TOPORS: variants seen among roughly 807,000 people sequenced by gnomAD.
TOPORS encodes the protein E3 ubiquitin-protein ligase Topors.
Under a neutral mutation model 81.4 loss-of-function variants are expected in TOPORS, and 25 were observed. The ratio of observed to expected loss-of-function variants is 0.31; its 90% CI spans 0.22 to 0.43. The LOEUF is 0.43. Among genes scored for constraint, TOPORS ranks in the 20% least tolerant of loss-of-function variants. The pLI, the probability that TOPORS is intolerant of heterozygous loss-of-function variation, is 1.00. For missense variants in TOPORS, 1,101 were observed against 1,267.0 expected (o/e 0.87, Z 1.99); for synonymous variants, 473 against 456.6 (o/e 1.04, Z -0.46).
At chr9:32,549,821 A>G (rs1821200579) in intron 2 of TOPORS, among the ~76,000 whole-genome samples, 1 of 152,244 alleles carries the variant, frequency 6.6e-6, no homozygotes, top group African/African-American at 2.4e-5. Flanking sequence ...GCCACCTTAA[A>G]GAAATCACTG....
In TOPORS at chr9:32,544,245, G is replaced by A; in HGVS notation, c.280C>T (p.Pro94Ser). Residue 94 changes from proline to serine, a missense_variant, in exon 3 of 3, where the codon CCA (proline) becomes TCA (serine). Pro to Ser is a moderately conservative substitution (Grantham distance 74). Coordinates refer to ENST00000360538, the MANE Select transcript of TOPORS (RefSeq NM_005802.5). The part of the protein sequence containing the change: ...AGTSKLQQTV[P>S]ADASPDSKCP... ...TTAGAATCAGGAGATGCATCAGCTG[G>A]TACTGTCTGTTGCAATTTGCTAGTG... The A allele has an allele frequency of 6.2e-7, 1 of 1,609,296 alleles. No homozygotes were observed. The highest frequency in any genetic ancestry group is 8.5e-7 in the Non-Finnish European group (1 of 1,179,986).
Position 32,541,047 on chromosome 9 carries a change from C to A in TOPORS, c.*340G>T. On this transcript the variant is annotated 3_prime_UTR_variant, in exon 3 of 3. Coordinates refer to ENST00000360538, the MANE Select transcript of TOPORS (RefSeq NM_005802.5). ...CTCAAAAAAAAAAAATTCAAAAATA[C>A]TCATTGACTACCTTAAAAATATGTC... The A allele has an allele frequency of 5.7e-6, 1 of 175,262 alleles. No individual in the cohort carries two copies. The allele number at this position is 175,262 out of a possible 1,614,324, so 10.9% of individuals were successfully genotyped here. A position where few individuals can be genotyped will look rare whatever the true frequency, so the allele number is the denominator to read the frequency against.
rs1367413887 is a variant in TOPORS, at chr9:32,542,627, T to C, written c.1898A>G (p.Glu633Gly). Residue 633 changes from glutamate to glycine, a missense_variant, in exon 3 of 3, where the codon GAA (glutamate) becomes GGA (glycine). This residue lies in a region of TOPORS where 605 missense variants were observed against 636.1 expected (regional missense o/e 0.95). Transcript: ENST00000360538. ...RMKSKRSRSR[E>G]SSRPRGRRDK... ...TCTTCTCCCTCTAGGTCTGCTACTT[T>C]CCCTGCTTCTGGATCGTTTACTTTT... 2.5e-6 allele frequency: 4 copies of C among 1,614,144 alleles called. No homozygotes were observed. The highest frequency in any genetic ancestry group is 2.5e-6 in the Non-Finnish European group (3 of 1,180,012).
Position 32,543,734 on chromosome 9 carries a change from C to T in TOPORS, c.791G>A (p.Arg264His), listed in dbSNP as rs774694858. Residue 264 changes from arginine (R) to histidine (H), a missense_variant, in exon 3 of 3, where the codon CGT (arginine) becomes CAT (histidine). Transcript: ENST00000360538. This position sits in a 1 kb window ranked among gnomAD's most constrained non-coding sequence, Gnocchi z 5.6. The stretch of plus-strand genomic sequence containing the variant: ...AATATTTCTAACTCGAGCACCAGCA[C>T]GATAAAGAGTTCGTCTAAAATTAAT... ...DIINFRRTLYRAGARVRNIED... is the reference protein window; with the variant it reads ...DIINFRRTLYHAGARVRNIED... 1.9e-5 allele frequency: 31 copies of T among 1,611,896 alleles called. No homozygotes were observed. Among genetic ancestry groups the T allele is most frequent in the South Asian group, 6.6e-5 (6 of 90,880 alleles).
Position 32,542,434 on chromosome 9 carries a change from T to A in TOPORS, c.2091A>T (p.Gly697=). Residue 697 remains glycine (G), a synonymous_variant, in exon 3 of 3, where the codon GGA becomes GGT. Transcript: ENST00000360538. The part of the protein sequence containing the change: ...RDRYYLRNNY[G]SRYKWEYTYY... ...AAGTATACTCCCATTTGTATCTGCT[T>A]CCATAATTATTTCTTAAATAATAAC... is the stretch of plus-strand genomic sequence containing the variant. 6.2e-7 allele frequency: 1 copy of A among 1,613,674 alleles called. No individual in the cohort carries two copies. Among genetic ancestry groups the A allele is most frequent in the East Asian group, 2.2e-5 (1 of 44,866 alleles).
intron 2 of TOPORS, 95 bp downstream of exon 2, chr9:32,550,679 G>T: frequency 6.8e-7 from 1 of 1,462,564 alleles, no homozygotes; most frequent in Non-Finnish European, 9.5e-7. Flanking sequence ...GGCCATGACC[G>T]CAACCCTCGG....
Position 32,543,766 on chromosome 9 carries a change from T to G in TOPORS, c.759A>C (p.Gln253His), listed in dbSNP as rs896311625. 7 of 1,611,810 alleles carry G rather than the reference T, an allele frequency of 4.3e-6. No individual in the cohort carries two copies. The African/African-American group carries it at 8.0e-5, about 18-fold the overall frequency. The change falls in exon 3 of 3, where the codon CAA (glutamine) becomes CAC (histidine). Residue 253 changes from glutamine (Q) to histidine (H), a missense_variant. Gln to His is a conservative substitution (Grantham distance 24). Around this residue, in one of 9 missense-constraint regions of TOPORS, gnomAD observed 120 missense variants for 115.4 expected, o/e 1.04. Transcript: ENST00000360538. This position sits in a 1 kb window ranked among gnomAD's most constrained non-coding sequence, Gnocchi z 5.6. ...DERSLRKIQE[Q>H]DIINFRRTLY... ...GAGTTCGTCTAAAATTAATAATATC[T>G]TGTTCTTGAATTTTCCGCAAAGATC...
chr9:32,543,931 A>T lies in TOPORS; in HGVS notation c.594T>A (p.Pro198=), dbSNP rs776676629. 6.2e-7 allele frequency: 1 copy of T among 1,614,022 alleles called. No individual in the cohort carries two copies. The highest frequency in any genetic ancestry group is 1.1e-5 in the South Asian group (1 of 91,080). ...GTGGAGTTGTTGTTCTTCTGTTCAC[A>T]GGACCACTAGGTGAATACACAGAAG... ...RNASVYSPSG[P]VNRRTTTPPD... Residue 198 remains proline (P), a synonymous_variant, in exon 3 of 3, where the codon CCT becomes CCA. Coordinates refer to ENST00000360538, the MANE Select transcript of TOPORS (RefSeq NM_005802.5). This position sits in a 1 kb window ranked among gnomAD's most constrained non-coding sequence, Gnocchi z 5.6.
At position 32,542,261 on chromosome 9, in the gene TOPORS, T is replaced by C. The variant is rs1265171562; in HGVS notation, c.2264A>G (p.Asn755Ser). The C allele has an allele frequency of 5.0e-6, 8 of 1,614,158 alleles. No homozygotes were observed. In the Admixed American group the frequency reaches 1.2e-4, roughly 24 times the overall value. ...GTAGTAATACTTCCTCTCACTGTGA[T>C]TATTTTTTTTCCTAGCATTTGTTCT... ...SERTNARKKN[N>S]HSERKYYYYE... Residue 755 changes from asparagine (N) to serine (S), a missense_variant, in exon 3 of 3, where the codon AAT becomes AGT. Transcript: ENST00000360538.
Position 32,550,901 on chromosome 9 carries a change from G to T in TOPORS, c.71C>A (p.Ala24Asp). Reference protein sequence around the residue: ...EEGEAPPPAPASEGRRRSRRV... With the variant: ...EEGEAPPPAPDSEGRRRSRRV... ...GCGACTTCTCCGCCTACCCTCCGAA[G>T]CGGGAGCAGGCGGGGGCGCTTCACC... Residue 24 changes from alanine (A) to aspartate (D), a missense_variant, in exon 2 of 3, where the codon GCT (alanine) becomes GAT (aspartate). Coordinates refer to ENST00000360538, the MANE Select transcript of TOPORS (RefSeq NM_005802.5). The T allele has an allele frequency of 6.2e-7, 1 of 1,612,970 alleles. No individual in the cohort carries two copies. Among genetic ancestry groups the T allele is most frequent in the Non-Finnish European group, 8.5e-7 (1 of 1,179,820 alleles).
chr9:32,544,011 C>T lies in TOPORS; in HGVS notation c.514G>A (p.Val172Ile). ...TAGCGAAATCGTCGATCAGGGGTGA[C>T]AAAAGAACCATTATACGAAGGCCTT... The part of the protein sequence containing the change: ...VLRPSYNGSF[V>I]TPDRRFRYRT... The change falls in exon 3 of 3, where the codon GTC (valine) becomes ATC (isoleucine). Residue 172 changes from valine to isoleucine, a missense_variant. Val to Ile is a conservative substitution (Grantham distance 29). This residue lies in a region of TOPORS where 120 missense variants were observed against 115.4 expected (regional missense o/e 1.04). Transcript: ENST00000360538. 1 of 1,614,104 alleles carries T rather than the reference C, an allele frequency of 6.2e-7. No individual in the cohort carries two copies. Among genetic ancestry groups the T allele is most frequent in the Non-Finnish European group, 8.5e-7 (1 of 1,180,024 alleles).
chr9:32,546,056 T>C (rs1186145370), intron 2 of TOPORS, among the ~76,000 whole-genome samples: 11 of 152,178 alleles, frequency 7.2e-5, no homozygotes, highest in Admixed American at 7.2e-4. Flanking sequence ...AACCATAACT[T>C]AATAGAGAAT....
rs755793645 is a variant in TOPORS at position 32,550,912 on chromosome 9, C to G, written c.60G>C (p.Pro20=). 6.2e-7 allele frequency: 1 copy of G among 1,612,844 alleles called. No individual in the cohort carries two copies. The highest frequency in any genetic ancestry group is 1.1e-5 in the South Asian group (1 of 91,070). Residue 20 remains proline (P), a synonymous_variant, in exon 2 of 3, where the codon CCG becomes CCC. Coordinates refer to ENST00000360538, the MANE Select transcript of TOPORS (RefSeq NM_005802.5). ...PLSREEGEAP[P]PAPASEGRRR... ...GCCTACCCTCCGAAGCGGGAGCAGG[C>G]GGGGGCGCTTCACCCTCCTCGCGAG... is the stretch of plus-strand genomic sequence containing the variant.
Position 32,543,354 on chromosome 9 carries a change from C to T in TOPORS, c.1171G>A (p.Val391Ile), listed in dbSNP as rs760041665. ...GCCTCATCTGGAGATATTGTTATGA[C>T]TGAAGAATCAGAATGGCTGCCTTCT... The part of the protein sequence containing the change: ...YEEGSHSDSS[V>I]ITISPDEAET... The change falls in exon 3 of 3, where the codon GTC (valine) becomes ATC (isoleucine). Residue 391 changes from valine (V) to isoleucine (I), a missense_variant. Val to Ile is a conservative substitution (Grantham distance 29, BLOSUM62 3). This residue lies in a region of TOPORS where 103 missense variants were observed against 112.1 expected (regional missense o/e 0.92). Transcript: ENST00000360538. The surrounding 1 kb of genome is among the most constrained non-coding windows in gnomAD (Gnocchi z 5.6). The T allele has an allele frequency of 1.9e-6, 3 of 1,614,106 alleles. No individual in the cohort carries two copies. The highest frequency in any genetic ancestry group is 2.2e-5 in the East Asian group (1 of 44,876).
intron 1 of TOPORS, 96 bp from the exon 2 acceptor site, chr9:32,551,064 G>T (rs970762911): frequency 7.1e-7 from 1 of 1,401,792 alleles, no homozygotes; most frequent in Non-Finnish European, 9.8e-7. Flanking sequence ...CACAACACCC[G>T]CCTTCCTCAC....
In TOPORS at chr9:32,542,545, C is replaced by G; in HGVS notation, c.1980G>C (p.Leu660=). 1.9e-6 allele frequency: 3 copies of G among 1,614,104 alleles called. No homozygotes were observed. Among genetic ancestry groups the G allele is most frequent in the Non-Finnish European group, 2.5e-6 (3 of 1,180,016 alleles). The change falls in exon 3 of 3, where the codon CTG becomes CTC. Residue 660 remains leucine, a synonymous_variant. Transcript: ENST00000360538. The part of the protein sequence containing the change: ...DSSWSRRSQT[L]SLSSESTSRS... ...TGCTTGTGCTTTCACTACTTAGAGA[C>G]AGAGTTTGGCTTCTTCTGGACCAAC...
chr9:32,548,385 G>A (rs1280190248), intron 2 of TOPORS, among the ~76,000 whole-genome samples: 10 of 151,728 alleles, frequency 6.6e-5, no homozygotes, highest in African/African-American at 2.2e-4. Flanking sequence ...TTCGCCGGGC[G>A]TGGTGGCGCA....
Position 32,541,574 on chromosome 9 carries a change from T to C in TOPORS, c.2951A>G (p.Asn984Ser). Residue 984 changes from asparagine (N) to serine (S), a missense_variant, in exon 3 of 3, where the codon AAT (asparagine) becomes AGT (serine). By Grantham distance (46) the Asn-to-Ser change is conservative. Coordinates refer to ENST00000360538, the MANE Select transcript of TOPORS (RefSeq NM_005802.5). ...NLNNANKTVD[N>S]IPPLAASVEQ... ...AACTGAAGCTGCCAGAGGTGGAATA[T>C]TATCTACAGTTTTGTTGGCATTATT... 1.9e-6 allele frequency: 3 copies of C among 1,614,224 alleles called. No individual in the cohort carries two copies. The highest frequency in any genetic ancestry group is 2.5e-6 in the Non-Finnish European group (3 of 1,180,042).
intron 2 of TOPORS, among the ~76,000 whole-genome samples, chr9:32,547,613 A>C (rs565753652): frequency 2.0e-5 from 3 of 152,194 alleles, no homozygotes; most frequent in Admixed American, 2.0e-4. Context: ...GAACCCACAT[A>C]TTGTATGATA....
Sources: gnomAD v4.1 joint callset for allele counts (sites outside exome capture counted in the v4.1 genomes callset) on GRCh38, gnomAD v4.1.1 for gene constraint, gnomAD v4.1.1 regional missense constraint, Gnocchi (gnomAD v3.1) non-coding constraint, MANE v1.5 for transcripts, NCBI Gene and HGNC (gene_info 2026-07-23, HGNC 2026-07-21) for gene names.